CTNNA3: variants seen among roughly 807,000 people sequenced by gnomAD.
CTNNA3 encodes catenin alpha 3, also known as catenin alpha-3.
In CTNNA3, 76 loss-of-function variants were observed where a neutral mutation model predicts 95.7. The ratio of observed to expected loss-of-function variants is 0.79; its 90% CI spans 0.66 to 0.96. The LOEUF is 0.96. Among genes scored for constraint, CTNNA3 ranks in the 40% least tolerant of loss-of-function variants. The probability of loss-of-function intolerance (pLI) is 0.00; values close to 1 mark genes in which losing one functional copy is unlikely to be tolerated. For missense variants in CTNNA3, 1,191 were observed against 1,089.8 expected (o/e 1.09, Z -1.31); for synonymous variants, 431 against 374.4 (o/e 1.15, Z -1.74).
intron 15 of CTNNA3, among the ~76,000 whole-genome samples, chr10:66,060,415 C>T (rs2080170425): frequency 6.6e-6 from 1 of 152,038 alleles, no homozygotes; most frequent in African/African-American, 2.4e-5. Flanking sequence ...TTTCAAGTCT[C>T]ACTAAAACTA....
At chr10:67,143,428 A>AAAAAAAAAAAAAAC (rs1860688278) in intron 7 of CTNNA3, among the ~76,000 whole-genome samples, 1 of 148,286 alleles carries the variant, frequency 6.7e-6, no homozygotes, top group Non-Finnish European at 1.5e-5. Flanking sequence ...TCTGTCTTAA[A>AAAAAAAAAAAAAAC]AAAAAAAAAA....
In CTNNA3 at chr10:66,365,170, T is replaced by C. The variant is rs371285128; in HGVS notation, c.1732+13982A>G. Among the ~76,000 whole-genome samples, 70 of 152,050 alleles carry C rather than the reference T, an allele frequency of 4.6e-4. 1 individual carries two copies. In the South Asian group the frequency reaches 0.014, roughly 31 times the overall value. ...TCAATGATAGATTGGATTAAGAAAA[T>C]GTGGCACATATACACCATGGAATAC... is the stretch of plus-strand genomic sequence containing the variant. On this transcript the variant is annotated intron_variant, in intron 12 of 17. Coordinates refer to ENST00000433211, the MANE Select transcript of CTNNA3 (RefSeq NM_013266.4).
At chr10:65,992,970 G>C (rs906636198) in intron 15 of CTNNA3, among the ~76,000 whole-genome samples, 1 of 151,972 alleles carries the variant, frequency 6.6e-6, no homozygotes, top group Non-Finnish European at 1.5e-5. Context: ...AAACTTGTTT[G>C]ATTTCCTACT....
chr10:65,957,107 T>A (rs1036669691), intron 17 of CTNNA3, among the ~76,000 whole-genome samples: 1 of 152,206 alleles, frequency 6.6e-6, no homozygotes, highest in Admixed American at 6.5e-5. Context: ...GACAGTTATC[T>A]CTTCTTGTTG....
intron 15 of CTNNA3, among the ~76,000 whole-genome samples, chr10:66,047,182 A>G (rs557873110): frequency 1.6e-4 from 25 of 152,310 alleles, no homozygotes; most frequent in Middle Eastern, 6.8e-3. Context: ...CACACAAAAG[A>G]AAACTTCAGG....
rs972888840 is a variant in CTNNA3, at chr10:67,741,436, C to A, written c.-2+21998G>T. ...TCATAAGTGAAGGAGAAATAAAATA[C>A]TTTACAGACAAGCAAATGCTGAGAG... On this transcript the variant is annotated intron_variant, in intron 1 of 17. Transcript: ENST00000684154. 1.3e-5 allele frequency among the ~76,000 whole-genome samples: 2 copies of A among 149,708 alleles called. 1 individual carries two copies.
intron 14 of CTNNA3, among the ~76,000 whole-genome samples, chr10:66,080,223 G>C (rs537360483): frequency 3.9e-5 from 6 of 152,056 alleles, no homozygotes; most frequent in African/African-American, 1.2e-4. Context: ...TTCTGATCTC[G>C]ATCTACTGCA....
intron 11 of CTNNA3, among the ~76,000 whole-genome samples, chr10:66,444,930 T>A (rs893283128): frequency 6.6e-6 from 1 of 151,880 alleles, no homozygotes; most frequent in Non-Finnish European, 1.5e-5. Flanking sequence ...AGGAAACCCA[T>A]CTCACGTGCA....
chr10:66,073,875 AT>A (rs986674542), intron 14 of CTNNA3, among the ~76,000 whole-genome samples: 1 of 152,094 alleles, frequency 6.6e-6, no homozygotes, highest in Non-Finnish European at 1.5e-5. Flanking sequence ...TAGAAAATTC[AT>A]ATAAAATGCC....
In CTNNA3 at chr10:66,453,658, C is replaced by T. The variant is rs114793571; in HGVS notation, c.1531+66959G>A. ...CAGGTCAGAGACTAATAACCACTAA[C>T]ATTGGACACATTGGAATAACACAGC... On this transcript the variant is annotated intron_variant, in intron 11 of 17. Transcript: ENST00000433211. Among the ~76,000 whole-genome samples the T allele has an allele frequency of 4.0e-3, 609 of 152,292 alleles. 11 individuals are homozygous for T. Among genetic ancestry groups the T allele is most frequent in the African/African-American group, 0.014 (593 of 41,566 alleles).
intron 9 of CTNNA3, among the ~76,000 whole-genome samples, chr10:66,683,155 G>T (rs945819874): frequency 1.3e-5 from 2 of 152,296 alleles, no homozygotes; most frequent in East Asian, 3.9e-4. Flanking sequence ...TGTGTGCTTT[G>T]AAGTAGTAGG....
At chr10:66,472,940 A>C (rs1839187992) in intron 11 of CTNNA3, among the ~76,000 whole-genome samples, 1 of 152,012 alleles carries the variant, frequency 6.6e-6, no homozygotes, top group Admixed American at 6.6e-5. Context: ...AGATAAAAAA[A>C]AGTTTTATAA....
chr10:66,387,052 T>A (rs964956426), intron 11 of CTNNA3, among the ~76,000 whole-genome samples: 4 of 152,176 alleles, frequency 2.6e-5, no homozygotes, highest in Non-Finnish European at 5.9e-5. Flanking sequence ...ACTTCATGAC[T>A]AAAACACCAA....
At chr10:67,140,256 T>A (rs1475027539) in intron 7 of CTNNA3, among the ~76,000 whole-genome samples, 1 of 152,148 alleles carries the variant, frequency 6.6e-6, no homozygotes, top group East Asian at 1.9e-4. Flanking sequence ...TATTTGTAGG[T>A]CAATTTTATA....
intron 5 of CTNNA3, chr10:67,346,728 C>A: frequency 2.0e-6 from 1 of 509,016 alleles, no homozygotes; most frequent in Non-Finnish European, 3.9e-6. Flanking sequence ...CAAATTTCTT[C>A]CCTCAACTAT....
chr10:65,932,745 T>C (rs974611350), intron 17 of CTNNA3, among the ~76,000 whole-genome samples: 1 of 152,168 alleles, frequency 6.6e-6, no homozygotes, highest in Non-Finnish European at 1.5e-5. Flanking sequence ...CTCTGAATAC[T>C]TTGTACTAAG....
intron 9 of CTNNA3, among the ~76,000 whole-genome samples, chr10:66,751,835 T>G (rs1839152697): frequency 6.6e-6 from 1 of 152,116 alleles, no homozygotes; most frequent in Non-Finnish European, 1.5e-5. Context: ...ACTAACAAAA[T>G]AAGTTAAAAA....
chr10:66,045,946 A>G (rs2079819407), intron 15 of CTNNA3, among the ~76,000 whole-genome samples: 1 of 152,174 alleles, frequency 6.6e-6, no homozygotes, highest in African/African-American at 2.4e-5. Context: ...AATGTACAAG[A>G]AAGTTTTAAA....
At chr10:66,907,991 A>T (rs1846063735) in intron 7 of CTNNA3, among the ~76,000 whole-genome samples, 1 of 152,212 alleles carries the variant, frequency 6.6e-6, no homozygotes, top group Non-Finnish European at 1.5e-5. Flanking sequence ...ATTTCAGAAG[A>T]CATTATCTTG....
Sources: gnomAD v4.1 joint callset for allele counts (sites outside exome capture counted in the v4.1 genomes callset) on GRCh38, gnomAD v4.1.1 for gene constraint, MANE v1.5 for transcripts, NCBI Gene and HGNC (gene_info 2026-07-23, HGNC 2026-07-21) for gene names.